The following MICU3 variants were observed in gnomAD, a reference collection of about 807,000 sequenced individuals.
MICU3 encodes calcium uptake protein 3, mitochondrial.
MICU3 carries 62 observed loss-of-function variants against 66.5 expected under a neutral mutation model. The observed-to-expected ratio is 0.93, with a 90% confidence interval of 0.76 to 1.15. The LOEUF (loss-of-function observed/expected upper bound fraction) is 1.15, where lower values mean the gene tolerates loss of function less well. MICU3 is among the 50% of genes most tolerant of loss of function. MICU3 has a pLI of 0.00. For synonymous variants in MICU3, 308 were observed against 240.7 expected (o/e 1.28, Z -2.59); for missense variants, 779 against 664.4 (o/e 1.17, Z -1.90).
At chr8:17,130,068 G>A in the MICU3 span, among the ~76,000 whole-genome samples, 5 of 152,182 alleles carry the variant, frequency 3.3e-5, no homozygotes, top group Admixed American at 6.5e-5. Context: ...TACTGTCGGA[G>A]AGAATGTAAC....
rs898108500 is a variant in MICU3, at chr8:17,122,118, T to A, written c.*1831T>A. On this transcript the variant is annotated 3_prime_UTR_variant, in exon 15 of 15. Transcript: ENST00000318063. Reference sequence around the variant, plus strand: ...GTCATTTTCCCAAGGAAGAATAGCATTGTACATATGCAATCTTTATTTTAT... The same window carrying A: ...GTCATTTTCCCAAGGAAGAATAGCAATGTACATATGCAATCTTTATTTTAT... 6.6e-6 allele frequency: 1 copy of A among 151,876 alleles called. No individual in the cohort carries two copies. Among genetic ancestry groups the A allele is most frequent in the African/African-American group, 2.4e-5 (1 of 41,444 alleles). The allele number at this position is 151,876 out of a possible 1,614,324, so 9.4% of individuals were successfully genotyped here. A position where few individuals can be genotyped will look rare whatever the true frequency, so the allele number is the denominator to read the frequency against.
chr8:17,095,565 A>C (rs1309425725), intron 8 of MICU3, among the ~76,000 whole-genome samples: 1 of 151,864 alleles, frequency 6.6e-6, no homozygotes, highest in Non-Finnish European at 1.5e-5. Flanking sequence ...TTTTTCCCCT[A>C]GTTTGTTTAA....
At chr8:17,058,329 T>C (rs1817294520) in intron 1 of MICU3, among the ~76,000 whole-genome samples, 1 of 152,180 alleles carries the variant, frequency 6.6e-6, no homozygotes, top group South Asian at 2.1e-4. Context: ...GCTCAGCCAG[T>C]GAAACCTATT....
At chr8:17,029,187 A>AT (rs1244180535) in intron 1 of MICU3, among the ~76,000 whole-genome samples, 1 of 152,206 alleles carries the variant, frequency 6.6e-6, no homozygotes, top group Non-Finnish European at 1.5e-5. Flanking sequence ...AAATAAATTT[A>AT]TTTTTTGGCT....
chr8:17,091,518 T>C (rs111295126), intron 8 of MICU3, among the ~76,000 whole-genome samples: 1,789 of 152,136 alleles, frequency 0.012, 33 homozygotes, highest in African/African-American at 0.04. Context: ...TTAATCAAAA[T>C]TCCAAACTAT....
At chr8:17,069,631 G>A in intron 2 of MICU3, 57 bp from the exon 3 acceptor site, 1 of 1,110,300 alleles carries the variant, frequency 9.0e-7, no homozygotes, top group East Asian at 2.6e-5. Context: ...TAGCAAATAT[G>A]GATATATATT....
intron 1 of MICU3, among the ~76,000 whole-genome samples, chr8:17,057,340 G>T (rs1485799602): frequency 6.6e-6 from 1 of 152,120 alleles, no homozygotes; most frequent in Non-Finnish European, 1.5e-5. Flanking sequence ...CAAATCAGGA[G>T]CTCAGTTCTT....
chr8:17,039,534 A>G (rs1813666116), intron 1 of MICU3, among the ~76,000 whole-genome samples: 1 of 152,210 alleles, frequency 6.6e-6, no homozygotes, highest in Non-Finnish European at 1.5e-5. Context: ...TGATTTGAGT[A>G]GAGATTACTT....
the MICU3 span, among the ~76,000 whole-genome samples, chr8:17,129,425 A>C: frequency 6.6e-6 from 1 of 152,260 alleles, no homozygotes; most frequent in African/African-American, 2.4e-5. Context: ...TAATAGGTAA[A>C]GAGATGGTAA....
At chr8:17,138,070 T>C in the MICU3 span, among the ~76,000 whole-genome samples, 1 of 151,950 alleles carries the variant, frequency 6.6e-6, no homozygotes, top group Non-Finnish European at 1.5e-5. Context: ...AGAATTATAA[T>C]GGAGGAAGGA....
intron 2 of MICU3, among the ~76,000 whole-genome samples, chr8:17,066,333 T>G (rs955548444): frequency 3.3e-5 from 5 of 151,576 alleles, no homozygotes; most frequent in African/African-American, 1.2e-4. Flanking sequence ...CTTACGATAT[T>G]ATAAGACGAC....
intron 11 of MICU3, among the ~76,000 whole-genome samples, chr8:17,108,433 A>G (rs546295746): frequency 1.3e-5 from 2 of 152,244 alleles, no homozygotes; most frequent in Non-Finnish European, 2.9e-5. Context: ...CTTAGACTTA[A>G]TGGTTGCAAA....
chr8:17,051,786 G>T (rs1816130075), intron 1 of MICU3, among the ~76,000 whole-genome samples: 1 of 152,058 alleles, frequency 6.6e-6, no homozygotes. Flanking sequence ...CCTTGCTGGA[G>T]TAAGATCAAA....
downstream of MICU3, among the ~76,000 whole-genome samples, chr8:17,123,380 G>A (rs1417258304): frequency 1.1e-4 from 17 of 151,898 alleles, no homozygotes; most frequent in Non-Finnish European, 4.4e-5. Context: ...GTGTACTTAC[G>A]AAAAATAGAA....
At chr8:17,073,018 G>A (rs971757203) in intron 3 of MICU3, among the ~76,000 whole-genome samples, 1 of 151,978 alleles carries the variant, frequency 6.6e-6, no homozygotes, top group Non-Finnish European at 1.5e-5. Context: ...AGCCTCCTGA[G>A]TAGCTGGGAC....
intron 5 of MICU3, among the ~76,000 whole-genome samples, chr8:17,084,173 C>T (rs1821607225): frequency 6.6e-6 from 1 of 152,184 alleles, no homozygotes; most frequent in Non-Finnish European, 1.5e-5. Context: ...AAGTGTCTCC[C>T]TCTTTACTTT....
At chr8:17,138,499 A>G in the MICU3 span, among the ~76,000 whole-genome samples, 1 of 152,252 alleles carries the variant, frequency 6.6e-6, no homozygotes, top group East Asian at 1.9e-4. Context: ...AAAAAAATGC[A>G]AGAATTTGCA....
rs368641759 is a variant in MICU3 at position 17,105,557 on chromosome 8, T to C, written c.1230T>C (p.Asn410=). 6.4e-7 allele frequency: 1 copy of C among 1,564,764 alleles called. No homozygotes were observed. The highest frequency in any genetic ancestry group is 1.4e-5 in the African/African-American group (1 of 71,930). Residue 410 remains asparagine (N), a synonymous_variant, in exon 11 of 15, where the codon AAT becomes AAC. Transcript: ENST00000318063. ...NVENTSVFLE[N]VRYSIPEEKG... The stretch of plus-strand genomic sequence containing the variant: ...AAAATACATCAGTATTTTTAGAAAA[T>C]GTGCGTTACAGTATACCTGAAGAAA...
intron 9 of MICU3, chr8:17,102,572 C>T (rs1034912076): frequency 1.3e-5 from 2 of 151,940 alleles, no homozygotes; most frequent in African/African-American, 4.8e-5. Flanking sequence ...TTAGAGCAGG[C>T]TGCCTCTTCA....
Sources: allele counts gnomAD v4.1 joint callset (sites outside exome capture counted in the v4.1 genomes callset), GRCh38; gene constraint gnomAD v4.1.1; transcripts MANE v1.5; gene names NCBI Gene and HGNC (gene_info 2026-07-23, HGNC 2026-07-21).